GSE1: variants seen among roughly 807,000 people sequenced by gnomAD.
The protein encoded by GSE1 is genetic suppressor element 1.
Under a neutral mutation model 112.6 loss-of-function variants are expected in GSE1, and 32 were observed. The observed-to-expected ratio is 0.28, with a 90% CI of 0.21 to 0.38. The LOEUF is 0.38. Ranked by LOEUF, GSE1 falls within the 10% of genes least tolerant of loss-of-function variation. The probability of loss-of-function intolerance (pLI) is 1.00; values close to 1 mark genes in which losing one functional copy is unlikely to be tolerated. For missense variants in GSE1, 2,348 were observed against 1,699.2 expected (o/e 1.38, Z -6.71); for synonymous variants, 1,115 against 735.6 (o/e 1.52, Z -8.35).
chr16:85,325,279 T>C (rs912266058), intron 1 of GSE1, among the ~76,000 whole-genome samples: 100 of 152,190 alleles, frequency 6.6e-4, no homozygotes, highest in Non-Finnish European at 4.7e-4. Flanking sequence ...TAGATCTCAA[T>C]GTCTTAAAAA....
chr16:85,211,776 C>T (rs994243887), intron 1 of GSE1, among the ~76,000 whole-genome samples: 1 of 152,248 alleles, frequency 6.6e-6, no homozygotes, highest in Non-Finnish European at 1.5e-5. Flanking sequence ...CCCAGTGCCA[C>T]TCCGCTGCTG....
At position 85,241,825 on chromosome 16, in the gene GSE1, C is replaced by T. The variant is rs149738435; in HGVS notation, c.2283+70018C>T. On this transcript the variant is annotated intron_variant, in intron 1 of 2. Transcript: ENST00000637419. Reference sequence around the variant, plus strand: ...TACTCACTTTAGGACTAAGAGTGGCCGATGCCCTTTATGGTATCTCATGGC... The same window carrying T: ...TACTCACTTTAGGACTAAGAGTGGCTGATGCCCTTTATGGTATCTCATGGC... 2.0e-4 allele frequency among the ~76,000 whole-genome samples: 31 copies of T among 152,160 alleles called. No individual in the cohort carries two copies. The East Asian group carries it at 4.8e-3, about 24-fold the overall frequency.
intron 2 of GSE1, among the ~76,000 whole-genome samples, chr16:85,372,734 G>T (rs2047329692): frequency 6.6e-6 from 1 of 152,102 alleles, no homozygotes; most frequent in Non-Finnish European, 1.5e-5. Context: ...GTACTGTAAT[G>T]AGGATCCTAG....
At chr16:85,635,876 A>G (rs2049953408) in intron 2 of GSE1, among the ~76,000 whole-genome samples, 2 of 152,140 alleles carry the variant, frequency 1.3e-5, no homozygotes, top group South Asian at 4.1e-4. Flanking sequence ...GGTGGTAGAG[A>G]GGTGTTCAGA....
intron 2 of GSE1, chr16:85,462,996 C>G (rs2050016679): frequency 6.0e-6 from 3 of 502,106 alleles, no homozygotes; most frequent in Non-Finnish European, 7.7e-6. Flanking sequence ...CGCCCCGTGA[C>G]GCCCCTACTG....
chr16:85,171,555 C>T, exon 1 of GSE1: 9 of 985,552 alleles, frequency 9.1e-6, no homozygotes, highest in Non-Finnish European at 1.1e-5. Flanking sequence ...CCCGGCAGTA[C>T]CAGGTGGAGA....
intron 1 of GSE1, among the ~76,000 whole-genome samples, chr16:85,253,266 A>G (rs553605628): frequency 6.6e-6 from 1 of 152,200 alleles, no homozygotes; most frequent in African/African-American, 2.4e-5. Flanking sequence ...CCTCTGCCCC[A>G]GTCCTGCCCT....
At chr16:85,478,857 T>C (rs529756463) in intron 2 of GSE1, among the ~76,000 whole-genome samples, 4 of 21,824 alleles carry the variant, frequency 1.8e-4, no homozygotes, top group Non-Finnish European at 3.1e-4. Flanking sequence ...CTTTCTTTCT[T>C]TCTTTCTTTC....
At chr16:85,240,772 C>G (rs1404890483) in intron 1 of GSE1, among the ~76,000 whole-genome samples, 4 of 152,196 alleles carry the variant, frequency 2.6e-5, no homozygotes, top group African/African-American at 9.7e-5. Context: ...GCGCTCAGGA[C>G]TTCGTCTCTC....
At chr16:85,363,733 GC>G (rs1174375155) in intron 2 of GSE1, among the ~76,000 whole-genome samples, 4 of 147,004 alleles carry the variant, frequency 2.7e-5, no homozygotes, top group Non-Finnish European at 6.0e-5. Flanking sequence ...CCCTCTGTTG[GC>G]CACCTGAGGA....
intron 1 of GSE1, among the ~76,000 whole-genome samples, chr16:85,194,378 TG>T (rs1275364179): frequency 6.6e-6 from 1 of 152,204 alleles, no homozygotes; most frequent in Non-Finnish European, 1.5e-5. Context: ...GAGGCTGGTC[TG>T]GGACTATTTC....
At chr16:85,467,586 C>G (rs1484361219) in intron 2 of GSE1, among the ~76,000 whole-genome samples, 1 of 152,124 alleles carries the variant, frequency 6.6e-6, no homozygotes, top group Admixed American at 6.5e-5. Context: ...TTTCATCCCC[C>G]CATCTCTCAA....
intron 1 of GSE1, among the ~76,000 whole-genome samples, chr16:85,294,020 A>G (rs2045294473): frequency 6.6e-6 from 1 of 152,202 alleles, no homozygotes; most frequent in Non-Finnish European, 1.5e-5. Context: ...CCTCTGTGCA[A>G]TGGGGATGGC....
chr16:85,208,685 T>C (rs1394783945), intron 1 of GSE1, among the ~76,000 whole-genome samples: 2 of 152,122 alleles, frequency 1.3e-5, no homozygotes, highest in African/African-American at 4.8e-5. Context: ...TTTGAATGAC[T>C]TTTTAAAAAT....
At chr16:85,598,967 A>C (rs1028885489) in intron 1 of GSE1, among the ~76,000 whole-genome samples, 1 of 152,228 alleles carries the variant, frequency 6.6e-6, no homozygotes, top group African/African-American at 2.4e-5. Flanking sequence ...GCCCTGCTCC[A>C]TACCCTCCTC....
intron 1 of GSE1, among the ~76,000 whole-genome samples, chr16:85,324,817 G>A (rs1472564718): frequency 6.6e-6 from 1 of 152,114 alleles, no homozygotes; most frequent in Non-Finnish European, 1.5e-5. Flanking sequence ...GGGAAAGGGG[G>A]ATAAATCTGA....
At chr16:85,380,432 A>G (rs2047520174) in intron 2 of GSE1, among the ~76,000 whole-genome samples, 1 of 152,220 alleles carries the variant, frequency 6.6e-6, no homozygotes, top group Non-Finnish European at 1.5e-5. Context: ...CCCACTGTTC[A>G]GCAGGTGATG....
At chr16:85,668,516 C>A in intron 14 of GSE1, 92 bp downstream of exon 14, 1 of 844,716 alleles carries the variant, frequency 1.2e-6, no homozygotes, top group Non-Finnish European at 1.8e-6. Flanking sequence ...CCTCTGCCAG[C>A]CTGGGGACTG....
intron 1 of GSE1, among the ~76,000 whole-genome samples, chr16:85,318,930 A>G (rs553306042): frequency 6.6e-6 from 1 of 152,334 alleles, no homozygotes; most frequent in East Asian, 1.9e-4. Context: ...TGGATGAGGC[A>G]GTGTTTAAGG....
Sources: gnomAD v4.1 joint callset for allele counts (sites outside exome capture counted in the v4.1 genomes callset) on GRCh38, gnomAD v4.1.1 for gene constraint, MANE v1.5 for transcripts, NCBI Gene and HGNC (gene_info 2026-07-23, HGNC 2026-07-21) for gene names.